Variants in DIP2C observed in about 807,000 individuals in gnomAD.
DIP2C encodes DIP2 acetate--CoA ligase C (putative).
A neutral mutation model predicts 192.4 loss-of-function variants in DIP2C; 33 were observed. The ratio of observed to expected loss-of-function variants is 0.17; its 90% CI spans 0.13 to 0.23. The LOEUF (loss-of-function observed/expected upper bound fraction) is 0.23, where lower values mean the gene tolerates loss of function less well. DIP2C is among the 10% of genes least tolerant of loss of function. The probability of loss-of-function intolerance (pLI) is 1.00; values close to 1 mark genes in which losing one functional copy is unlikely to be tolerated. For synonymous variants in DIP2C, 979 were observed against 864.1 expected (o/e 1.13, Z -2.33); for missense variants, 1,537 against 2,110.1 (o/e 0.73, Z 5.32).
At chr10:470,852 A>AC (rs1217902203) in intron 3 of DIP2C, among the ~76,000 whole-genome samples, 2 of 151,780 alleles carry the variant, frequency 1.3e-5, no homozygotes, top group Middle Eastern at 3.2e-3. Context: ...TGGAAGATAG[A>AC]CCCCCACTGG....
chr10:637,901 T>A (rs886719306), intron 1 of DIP2C, among the ~76,000 whole-genome samples: 5 of 151,874 alleles, frequency 3.3e-5, no homozygotes, highest in African/African-American at 4.8e-5. Flanking sequence ...GAGGTCAGAG[T>A]CAGTCCAGAG....
At chr10:407,960 C>G (rs964464565) in intron 9 of DIP2C, among the ~76,000 whole-genome samples, 4 of 152,104 alleles carry the variant, frequency 2.6e-5, no homozygotes, top group African/African-American at 9.7e-5. Context: ...CTTTTGTTGC[C>G]TGTGGTTCGG....
At chr10:349,741 T>C (rs1479041054) in intron 24 of DIP2C, among the ~76,000 whole-genome samples, 3 of 152,178 alleles carry the variant, frequency 2.0e-5, no homozygotes, top group African/African-American at 7.2e-5. Context: ...TTTTAAAAAA[T>C]GATTACGTGA....
intron 9 of DIP2C, among the ~76,000 whole-genome samples, chr10:400,834 C>A (rs867856841): frequency 2.3e-3 from 278 of 119,834 alleles, no homozygotes; most frequent in Middle Eastern, 0.017. Flanking sequence ...GTATGTGTTC[C>A]TCACCACATG....
chr10:415,824 C>T lies in DIP2C; in HGVS notation c.804G>A (p.Pro268=), dbSNP rs370301870. ...AGAATTCTCGTAAAGGTGGTCGTTT[C>T]GGTCGTTTGAGGGTATTGACAAGCT... ...IQQLVNTLKR[P]KRPPLREFFV... The change falls in exon 7 of 37, where the codon CCG becomes CCA. Residue 268 remains proline, a synonymous_variant. Transcript: ENST00000280886. The T allele has an allele frequency of 8.6e-5, 139 of 1,613,918 alleles. 1 individual carries two copies. The highest frequency in any genetic ancestry group is 2.1e-4 in the South Asian group (19 of 91,046).
At chr10:374,138 C>T (rs1197151465) in intron 17 of DIP2C, among the ~76,000 whole-genome samples, 1 of 152,088 alleles carries the variant, frequency 6.6e-6, no homozygotes, top group Non-Finnish European at 1.5e-5. Context: ...GTGTGTGCAC[C>T]ACTGAATTCA....
chr10:599,854 T>C (rs112641971), intron 1 of DIP2C, among the ~76,000 whole-genome samples: 1 of 152,204 alleles, frequency 6.6e-6, no homozygotes, highest in African/African-American at 2.4e-5. Context: ...GAGGATGCAC[T>C]GTGGGGGACA....
At chr10:676,126 C>G (rs578218223) in intron 1 of DIP2C, among the ~76,000 whole-genome samples, 78 of 152,270 alleles carry the variant, frequency 5.1e-4, no homozygotes, top group African/African-American at 1.9e-3. Context: ...CCAATAAACA[C>G]GCTACATCAC....
Position 376,520 on chromosome 10 carries a change from C to T in DIP2C, c.1991+6127G>A, listed in dbSNP as rs894841249. ...GAGTGGGGTTGGGAGGGGGGGTCTT[C>T]CCTTCTGAACTGGCAGCCAGAACCC... is the stretch of plus-strand genomic sequence containing the variant. On this transcript the variant is annotated intron_variant, in intron 17 of 36. Coordinates refer to ENST00000280886, the MANE Select transcript of DIP2C (RefSeq NM_014974.3). Among the ~76,000 whole-genome samples, 6 of 151,454 alleles carry T rather than the reference C, an allele frequency of 4.0e-5. 1 individual carries two copies. The highest frequency in any genetic ancestry group is 7.4e-5 in the Non-Finnish European group (5 of 67,946).
At chr10:296,303 G>T (rs1484348904) in intron 32 of DIP2C, among the ~76,000 whole-genome samples, 2 of 152,114 alleles carry the variant, frequency 1.3e-5, no homozygotes, top group Admixed American at 1.3e-4. Context: ...TGTATAAGCT[G>T]TAATCAGAGA....
intron 31 of DIP2C, among the ~76,000 whole-genome samples, chr10:316,376 G>A (rs951511892): frequency 1.3e-5 from 2 of 152,130 alleles, no homozygotes; most frequent in East Asian, 3.8e-4. Context: ...TATGCTTCAC[G>A]GCGAGAGATC....
At position 557,233 on chromosome 10, in the gene DIP2C, G is replaced by A. The variant is rs77727275; in HGVS notation, c.86-70703C>T. 1.1e-4 allele frequency among the ~76,000 whole-genome samples: 17 copies of A among 152,342 alleles called. No individual in the cohort carries two copies. In the East Asian group the frequency reaches 1.9e-3, roughly 17 times the overall value. On this transcript the variant is annotated intron_variant, in intron 1 of 36. Transcript: ENST00000280886. ...GGACCAGGCCTCCGCCAGCAGACAC[G>A]TCAGCACAGCATCCTGGAGCAGAAC... is the stretch of plus-strand genomic sequence containing the variant.
At chr10:493,184 C>T (rs1844572387) in intron 1 of DIP2C, among the ~76,000 whole-genome samples, 1 of 152,176 alleles carries the variant, frequency 6.6e-6, no homozygotes, top group African/African-American at 2.4e-5. Context: ...TTTAAACATG[C>T]CAGTTTCACA....
intron 10 of DIP2C, among the ~76,000 whole-genome samples, chr10:395,509 G>A (rs1406494176): frequency 6.6e-6 from 1 of 152,218 alleles, no homozygotes; most frequent in Non-Finnish European, 1.5e-5. Flanking sequence ...GAGGGTCTCT[G>A]TACTTCACCT....
chr10:301,883 G>A (rs1956068619), intron 32 of DIP2C, among the ~76,000 whole-genome samples: 1 of 152,218 alleles, frequency 6.6e-6, no homozygotes, highest in Non-Finnish European at 1.5e-5. Context: ...AAGCCTCGCA[G>A]GAGATTGTGT....
At chr10:307,576 T>C (rs539738410) in intron 32 of DIP2C, among the ~76,000 whole-genome samples, 86 of 152,050 alleles carry the variant, frequency 5.7e-4, no homozygotes, top group African/African-American at 2.0e-3. Context: ...GGGACGCCGC[T>C]GAGATTCTCT....
chr10:439,476 G>A lies in DIP2C; in HGVS notation c.394+1395C>T, dbSNP rs537778271. Among the ~76,000 whole-genome samples, 108 of 152,280 alleles carry A rather than the reference G, an allele frequency of 7.1e-4. No individual in the cohort carries two copies. The South Asian group carries it at 0.019, about 27-fold the overall frequency. The stretch of plus-strand genomic sequence containing the variant: ...CCACAAAAACTTAAAAATTAGCTGG[G>A]TGTGGTGGCATGCACCTGTGGTCCC... On this transcript the variant is annotated intron_variant, in intron 4 of 36. Coordinates refer to ENST00000280886, the MANE Select transcript of DIP2C (RefSeq NM_014974.3).
intron 1 of DIP2C, chr10:663,106 A>G: frequency 1.8e-6 from 1 of 550,442 alleles, no homozygotes; most frequent in Non-Finnish European, 3.3e-6. Context: ...CCTGGTCTGC[A>G]GAGGGGGAGA....
intron 4 of DIP2C, among the ~76,000 whole-genome samples, chr10:426,218 AAAGTT>A (rs200028679): frequency 0.014 from 2,064 of 152,342 alleles, 11 homozygotes; most frequent in Middle Eastern, 0.02. Flanking sequence ...ACCTGAGAAT[AAAGTT>A]AAGAAAATAG....
Sources: allele counts gnomAD v4.1 joint callset (sites outside exome capture counted in the v4.1 genomes callset), GRCh38; gene constraint gnomAD v4.1.1; transcripts MANE v1.5; gene names NCBI Gene and HGNC (gene_info 2026-07-23, HGNC 2026-07-21).